KCNH1: variants seen among roughly 807,000 people sequenced by gnomAD.
The protein encoded by KCNH1 is potassium voltage-gated channel subfamily H member 1.
KCNH1 carries 27 observed loss-of-function variants against 69.2 expected under a neutral mutation model. The ratio of observed to expected loss-of-function variants is 0.39; its 90% confidence interval spans 0.29 to 0.54. The LOEUF is 0.54. Among genes scored for constraint, KCNH1 ranks in the 20% least tolerant of loss-of-function variants. KCNH1 has a pLI of 0.68. For synonymous variants in KCNH1, 456 were observed against 487.7 expected, an observed-to-expected ratio of 0.93 and a Z score of 0.86; for missense variants, 798 against 1,261.6, an observed-to-expected ratio of 0.63 and a Z score of 5.57.
At chr1:210,868,043 T>C (rs1480739798) in intron 7 of KCNH1, among the ~76,000 whole-genome samples, 1 of 152,040 alleles carries the variant, frequency 6.6e-6, no homozygotes, top group East Asian at 1.9e-4. Context: ...AAACACTAGG[T>C]CTTATAAGTG....
intron 1 of KCNH1, among the ~76,000 whole-genome samples, chr1:211,116,857 G>C (rs1441741378): frequency 6.6e-6 from 1 of 152,168 alleles, no homozygotes; most frequent in East Asian, 1.9e-4. Context: ...CTTGAGAAGG[G>C]AAACAAATGG....
At chr1:210,802,625 A>G (rs1379375656) in intron 8 of KCNH1, among the ~76,000 whole-genome samples, 2 of 152,216 alleles carry the variant, frequency 1.3e-5, no homozygotes. Context: ...TATTTCCAGT[A>G]CCACCAAATT....
intron 7 of KCNH1, among the ~76,000 whole-genome samples, chr1:210,822,721 T>A (rs1319104081): frequency 6.6e-6 from 1 of 152,136 alleles, no homozygotes; most frequent in Non-Finnish European, 1.5e-5. Flanking sequence ...ACATAAAAAC[T>A]CTCATCTGCC....
chr1:210,713,197 A>AG (rs1263355804), intron 10 of KCNH1, among the ~76,000 whole-genome samples: 1 of 152,246 alleles, frequency 6.6e-6, no homozygotes, highest in Non-Finnish European at 1.5e-5. Flanking sequence ...TAACATAATA[A>AG]GGACAGAAGG....
intron 5 of KCNH1, among the ~76,000 whole-genome samples, chr1:211,066,463 A>G (rs1168683355): frequency 1.3e-5 from 2 of 152,210 alleles, no homozygotes; most frequent in Admixed American, 6.5e-5. Flanking sequence ...CCTAAAGGTA[A>G]TATCATCAAT....
intron 10 of KCNH1, among the ~76,000 whole-genome samples, chr1:210,724,408 G>A (rs543053462): frequency 7.2e-5 from 11 of 152,190 alleles, no homozygotes; most frequent in Middle Eastern, 3.4e-3. Flanking sequence ...AAGCAGTAGC[G>A]TTAGATTCCA....
In KCNH1 at chr1:211,018,860, T is replaced by C; in HGVS notation, c.955A>G (p.Ser319Gly). 5.0e-6 allele frequency: 8 copies of C among 1,614,076 alleles called. No homozygotes were observed. The highest frequency in any genetic ancestry group is 6.8e-6 in the Non-Finnish European group (8 of 1,179,980). ...TTCCCTGGATCACCCATAAAGGCACTAACCTCATCCACGTTCTCAAAAGCG... is the reference window on the plus strand; with the variant it reads ...TTCCCTGGATCACCCATAAAGGCACCAACCTCATCCACGTTCTCAAAAGCG... ...INAFENVDEV[S>G]AFMGDPGKIG... is the part of the protein sequence containing the mutation. The change falls in exon 6 of 11, where the codon AGT (serine) becomes GGT (glycine). Residue 319 changes from serine (S) to glycine (G), a missense_variant. Coordinates refer to ENST00000271751, the MANE Select transcript of KCNH1 (RefSeq NM_172362.3).
intron 7 of KCNH1, among the ~76,000 whole-genome samples, chr1:210,891,144 T>G (rs4951486): frequency 0.089 from 13,526 of 152,272 alleles, 1,329 homozygotes; most frequent in African/African-American, 0.23. Context: ...CCAACCCAAG[T>G]GTCCATCAAT....
intron 6 of KCNH1, among the ~76,000 whole-genome samples, chr1:211,016,026 A>G (rs1689484355): frequency 1.3e-5 from 2 of 152,250 alleles, no homozygotes; most frequent in South Asian, 4.1e-4. Flanking sequence ...CCCTTTACCA[A>G]TGAGAAAGCT....
chr1:210,820,358 G>A (rs1216681191), intron 7 of KCNH1, among the ~76,000 whole-genome samples: 6 of 152,036 alleles, frequency 3.9e-5, no homozygotes, highest in South Asian at 2.1e-4. Flanking sequence ...CTTTGTGGCC[G>A]GGTGCGGTGG....
At chr1:210,685,375 CAA>C (rs1681388109) in intron 10 of KCNH1, among the ~76,000 whole-genome samples, 1 of 152,156 alleles carries the variant, frequency 6.6e-6, no homozygotes, top group African/African-American at 2.4e-5. Flanking sequence ...TCTCATCATC[CAA>C]TCTGGAAAAC....
intron 6 of KCNH1, among the ~76,000 whole-genome samples, chr1:211,001,606 C>T (rs1481466702): frequency 6.6e-6 from 1 of 152,032 alleles, no homozygotes; most frequent in Non-Finnish European, 1.5e-5. Context: ...GTCAGTGTGG[C>T]GATTCCTCAG....
chr1:211,024,467 C>T (rs1028310753), intron 5 of KCNH1, among the ~76,000 whole-genome samples: 1 of 151,974 alleles, frequency 6.6e-6, no homozygotes, highest in Non-Finnish European at 1.5e-5. Context: ...TGGGAGGAGG[C>T]GAGGGAGAAG....
chr1:210,849,013 T>A (rs1475605643), intron 7 of KCNH1, among the ~76,000 whole-genome samples: 1 of 152,154 alleles, frequency 6.6e-6, no homozygotes, highest in Non-Finnish European at 1.5e-5. Flanking sequence ...GAAAAAAAGA[T>A]TAAGTAGTAC....
At chr1:211,127,756 C>A (rs1006003220) in intron 1 of KCNH1, among the ~76,000 whole-genome samples, 2 of 152,146 alleles carry the variant, frequency 1.3e-5, no homozygotes, top group African/African-American at 4.8e-5. Flanking sequence ...CGCTCACACA[C>A]GGCTGGTGGG....
chr1:210,902,775 C>T (rs962459735), intron 7 of KCNH1, among the ~76,000 whole-genome samples: 2 of 152,238 alleles, frequency 1.3e-5, no homozygotes, highest in African/African-American at 4.8e-5. Flanking sequence ...CTCCAGTTCT[C>T]TCCATTCCCA....
chr1:210,741,160 G>T (rs572384062), intron 10 of KCNH1, among the ~76,000 whole-genome samples: 2 of 151,734 alleles, frequency 1.3e-5, no homozygotes, highest in South Asian at 4.1e-4. Flanking sequence ...TCGAGTATAA[G>T]AAGAAGTGCT....
At chr1:210,719,187 G>C (rs1053486303) in intron 10 of KCNH1, among the ~76,000 whole-genome samples, 2 of 152,134 alleles carry the variant, frequency 1.3e-5, no homozygotes, top group Admixed American at 6.6e-5. Context: ...ATGGCTGGGG[G>C]CTACTGCATG....
At chr1:210,956,538 T>G (rs1477650013) in intron 6 of KCNH1, among the ~76,000 whole-genome samples, 1 of 112,612 alleles carries the variant, frequency 8.9e-6, no homozygotes, top group African/African-American at 3.4e-5. Flanking sequence ...GTCCTGGAGT[T>G]TTTTTTTTTT....
Sources: allele counts gnomAD v4.1 joint callset (sites outside exome capture counted in the v4.1 genomes callset), GRCh38; gene constraint gnomAD v4.1.1; transcripts MANE v1.5; gene names NCBI Gene and HGNC (gene_info 2026-07-23, HGNC 2026-07-21).